The following PARP8 variants were observed in gnomAD, a reference collection of about 807,000 sequenced individuals.
The protein encoded by PARP8 is poly(ADP-ribose) polymerase family member 8.
A neutral mutation model predicts 124.1 loss-of-function variants in PARP8; 51 were observed. The observed-to-expected ratio is 0.41, with a 90% CI of 0.33 to 0.52. The LOEUF (loss-of-function observed/expected upper bound fraction) is 0.52. Ranked by LOEUF, PARP8 falls within the 20% of genes least tolerant of loss-of-function variation. The pLI is 0.21. For missense variants in PARP8, 860 were observed against 1,018.9 expected (o/e 0.84, Z 2.12); for synonymous variants, 391 against 361.5 (o/e 1.08, Z -0.93).
At chr5:50,706,517 T>C (rs1754162995) in intron 2 of PARP8, among the ~76,000 whole-genome samples, 1 of 152,142 alleles carries the variant, frequency 6.6e-6, no homozygotes, top group Admixed American at 6.6e-5. Context: ...ACAGTAATTT[T>C]AGTGATTAAG....
chr5:50,795,213 C>T lies in PARP8; in HGVS notation c.1224C>T (p.Ser408=), dbSNP rs77652958. The T allele has an allele frequency of 3.8e-5, 62 of 1,614,138 alleles. No individual in the cohort carries two copies. The African/African-American group carries it at 4.5e-4, about 12-fold the overall frequency. Residue 408 remains serine (S), a synonymous_variant, in exon 12 of 26, where the codon AGC becomes AGT. Coordinates refer to ENST00000281631, the MANE Select transcript of PARP8 (RefSeq NM_024615.4). ...NTNLKPHKLL[S]RSYSSNLRME... ...ACTTGAAGCCCCATAAACTGTTAAG[C>T]AGGTCTTACTCTAGTAATCTCAGAA...
chr5:50,759,763 T>C (rs1258581129), intron 4 of PARP8, 31 bp downstream of exon 4: 1 of 1,530,322 alleles, frequency 6.5e-7, no homozygotes, highest in Non-Finnish European at 8.7e-7. Flanking sequence ...TATACTAGGT[T>C]AATTTTTTAA....
intron 2 of PARP8, among the ~76,000 whole-genome samples, chr5:50,720,255 C>T (rs1334366213): frequency 2.0e-5 from 3 of 152,046 alleles, no homozygotes; most frequent in Admixed American, 6.6e-5. Context: ...GGAAGTAGTA[C>T]GTTTTGGGCC....
intron 25 of PARP8, among the ~76,000 whole-genome samples, chr5:50,836,624 G>A (rs1747615493): frequency 6.6e-6 from 1 of 152,146 alleles, no homozygotes; most frequent in South Asian, 2.1e-4. Context: ...CAGAACGAAG[G>A]CAGAGAAAGA....
At chr5:50,691,648 T>G (rs1266456783) in intron 2 of PARP8, among the ~76,000 whole-genome samples, 1 of 152,154 alleles carries the variant, frequency 6.6e-6, no homozygotes, top group African/African-American at 2.4e-5. Flanking sequence ...TCCTGACCCT[T>G]TGTAACTCTG....
intron 2 of PARP8, among the ~76,000 whole-genome samples, chr5:50,714,254 G>A (rs1329408874): frequency 6.6e-6 from 1 of 151,796 alleles, no homozygotes; most frequent in South Asian, 2.1e-4. Context: ...CACCAACACC[G>A]ATTGCTGCTT....
intron 2 of PARP8, among the ~76,000 whole-genome samples, chr5:50,722,648 C>A (rs187311576): frequency 6.6e-6 from 1 of 152,072 alleles, no homozygotes; most frequent in African/African-American, 2.4e-5. Flanking sequence ...CCCCTGGAAT[C>A]CAACTGTGTG....
intron 10 of PARP8, among the ~76,000 whole-genome samples, chr5:50,793,073 G>A (rs1447990525): frequency 6.6e-6 from 1 of 152,040 alleles, no homozygotes; most frequent in Admixed American, 6.6e-5. Flanking sequence ...GGCAGATTTC[G>A]TTCTCTTATT....
At position 50,824,902 on chromosome 5, in the gene PARP8, T is replaced by C. The variant is rs1746174745; in HGVS notation, c.1861-6T>C. The C allele has an allele frequency of 6.2e-7, 1 of 1,612,146 alleles. No homozygotes were observed. Among genetic ancestry groups the C allele is most frequent in the Non-Finnish European group, 8.5e-7 (1 of 1,178,496 alleles). ...AAAATCAAGAAGTATAATGACTTTT[T>C]TTCAGGCACCATATCTGGAAATCAA... On this transcript the variant is annotated splice_region_variant and splice_polypyrimidine_tract_variant and intron_variant, in intron 17 of 25. Transcript: ENST00000281631.
In PARP8 at chr5:50,835,138, C is replaced by T. The variant is rs1747423403; in HGVS notation, c.2462+123C>T. The T allele has an allele frequency of 4.0e-5, 28 of 693,078 alleles. 1 individual carries two copies. In the South Asian group the frequency reaches 4.4e-4, roughly 11 times the overall value. 42.9% of individuals were successfully genotyped at this position (693,078 alleles called of 1,614,324 possible). On this transcript the variant is annotated intron_variant, in intron 25 of 25. Transcript: ENST00000281631. ...AACAGGTAATTGAGTTTAACATCAA[C>T]TAATGTTTTTGTTTTATTTTCAGTA...
At chr5:50,836,161 A>G (rs1459217894) in intron 25 of PARP8, among the ~76,000 whole-genome samples, 3 of 152,184 alleles carry the variant, frequency 2.0e-5, no homozygotes, top group Non-Finnish European at 4.4e-5. Flanking sequence ...TGTTCTTACC[A>G]TAGATATTTG....
intron 23 of PARP8, among the ~76,000 whole-genome samples, 158 bp from the exon 24 acceptor site, chr5:50,833,819 CTT>C (rs761543037): frequency 3.1e-4 from 47 of 150,500 alleles, no homozygotes; most frequent in African/African-American, 1.0e-3. Context: ...TTAAAAATAA[CTT>C]AATATTAAGA....
Position 50,834,938 on chromosome 5 carries a change from C to G in PARP8, c.2385C>G (p.Thr795=), listed in dbSNP as rs751722791. ...TTATTTTCCACTTAACAGTGATCAC[C>G]TCATCTGACCTGCACAAACATGGAG... ...LKCIALCEVI[T]SSDLHKHGEI... is the part of the protein sequence containing the mutation. Residue 795 remains threonine (T), a synonymous_variant, in exon 25 of 26, where the codon ACC becomes ACG. Transcript: ENST00000281631. The G allele has an allele frequency of 4.3e-6, 7 of 1,612,716 alleles. No individual in the cohort carries two copies. The highest frequency in any genetic ancestry group is 5.9e-6 in the Non-Finnish European group (7 of 1,179,154).
intron 3 of PARP8, among the ~76,000 whole-genome samples, chr5:50,750,505 C>G (rs1203855025): frequency 6.6e-6 from 1 of 151,864 alleles, no homozygotes; most frequent in African/African-American, 2.4e-5. Context: ...ATCATTTGGC[C>G]TTTCATAATG....
chr5:50,776,357 G>T (rs1740019216), intron 7 of PARP8, among the ~76,000 whole-genome samples: 1 of 152,008 alleles, frequency 6.6e-6, no homozygotes, highest in Non-Finnish European at 1.5e-5. Flanking sequence ...TCTTTTTGTT[G>T]TTGTTTCCTT....
In PARP8 at chr5:50,798,735, C is replaced by G. The variant is rs1363747662; in HGVS notation, c.1575+1502C>G. Among the ~76,000 whole-genome samples, 12 of 152,092 alleles carry G rather than the reference C, an allele frequency of 7.9e-5. No homozygotes were observed. In the East Asian group the frequency reaches 2.3e-3, roughly 29 times the overall value. On this transcript the variant is annotated intron_variant, in intron 14 of 25. Coordinates refer to ENST00000281631, the MANE Select transcript of PARP8 (RefSeq NM_024615.4). ...CCGCGCCTGGCCTGAGCCACCGCAC[C>G]CGGCCGAAGCAGTTTCTTATTGTGG...
chr5:50,744,701 C>T lies in PARP8; in HGVS notation c.147-5450C>T, dbSNP rs767761917. 1.3e-4 allele frequency: 87 copies of T among 692,508 alleles called. 2 individuals are homozygous for T. In the South Asian group the frequency reaches 1.3e-3, roughly 11 times the overall value. The allele number at this position is 692,508 out of a possible 1,614,324, so 42.9% of individuals were successfully genotyped here. On this transcript the variant is annotated intron_variant, in intron 2 of 25. Transcript: ENST00000281631. ...TAATTAATTGTAAGTCAGCATATCC[C>T]AAAATTCTGAAGGCTTTTTTTTTTC...
chr5:50,765,466 TATTA>T (rs1231345100), intron 7 of PARP8, among the ~76,000 whole-genome samples: 6 of 152,320 alleles, frequency 3.9e-5, no homozygotes, highest in African/African-American at 1.4e-4. Flanking sequence ...TATTTTCTAT[TATTA>T]ATTAAGTTAG....
chr5:50,838,504 G>A (rs557140588), intron 25 of PARP8, among the ~76,000 whole-genome samples: 181 of 151,996 alleles, frequency 1.2e-3, no homozygotes, highest in Non-Finnish European at 2.0e-3. Flanking sequence ...GCCAAAAAAA[G>A]GAGAAAATTT....
Sources: allele counts gnomAD v4.1 joint callset (sites outside exome capture counted in the v4.1 genomes callset), GRCh38; gene constraint gnomAD v4.1.1; transcripts MANE v1.5; gene names NCBI Gene and HGNC (gene_info 2026-07-23, HGNC 2026-07-21).